The following GRIN2A variants were observed in gnomAD, a reference collection of about 807,000 sequenced individuals.
GRIN2A encodes the protein glutamate ionotropic receptor NMDA type subunit 2A.
GRIN2A carries 22 observed loss-of-function variants against 113.4 expected under a neutral mutation model. The ratio of observed to expected loss-of-function variants is 0.19; its 90% CI spans 0.14 to 0.28. GRIN2A has a LOEUF of 0.28. Among genes scored for constraint, GRIN2A ranks in the 10% least tolerant of loss-of-function variants. The pLI, the probability that GRIN2A is intolerant of heterozygous loss-of-function variation, is 1.00. For synonymous variants in GRIN2A, 827 were observed against 738.4 expected, an observed-to-expected ratio of 1.12 and a Z score of -1.94; for missense variants, 1,502 against 1,887.0, an observed-to-expected ratio of 0.80 and a Z score of 3.78.
intron 2 of GRIN2A, among the ~76,000 whole-genome samples, chr16:10,066,162 C>CA (rs2047645009): frequency 1.3e-5 from 2 of 152,158 alleles, no homozygotes; most frequent in African/African-American, 4.8e-5. Context: ...TTCATATCCC[C>CA]CGGTGTTGGA....
intron 2 of GRIN2A, among the ~76,000 whole-genome samples, chr16:9,953,434 T>C (rs982232095): frequency 6.6e-6 from 1 of 152,044 alleles, no homozygotes; most frequent in African/African-American, 2.4e-5. Flanking sequence ...TGAGTATAGG[T>C]AGGGGGACAG....
intron 2 of GRIN2A, among the ~76,000 whole-genome samples, chr16:10,091,737 G>C (rs759753710): frequency 6.6e-6 from 1 of 152,138 alleles, no homozygotes; most frequent in Non-Finnish European, 1.5e-5. Flanking sequence ...TAACCTCAAA[G>C]ACATTATGCT....
At chr16:9,874,878 G>C (rs1222800194) in intron 4 of GRIN2A, among the ~76,000 whole-genome samples, 2 of 151,854 alleles carry the variant, frequency 1.3e-5, no homozygotes, top group Non-Finnish European at 2.9e-5. Flanking sequence ...CTGGGCTCAG[G>C]AATTTGAGAC....
intron 11 of GRIN2A, among the ~76,000 whole-genome samples, chr16:9,790,618 T>G (rs1323184691): frequency 6.6e-6 from 1 of 152,214 alleles, no homozygotes; most frequent in African/African-American, 2.4e-5. Flanking sequence ...TGCCTCTATC[T>G]TGTGGTGAAT....
intron 11 of GRIN2A, among the ~76,000 whole-genome samples, chr16:9,774,534 T>C (rs1901481535): frequency 6.6e-6 from 1 of 152,232 alleles, no homozygotes; most frequent in Non-Finnish European, 1.5e-5. Context: ...TTTATTTTTC[T>C]ATTTAACAAA....
chr16:10,112,720 A>G (rs926108752), intron 2 of GRIN2A: 3 of 738,686 alleles, frequency 4.1e-6, no homozygotes, highest in Non-Finnish European at 7.5e-6. Context: ...GCCTCCATCC[A>G]GGACAAAGGG....
At chr16:9,872,384 G>A (rs753888788) in intron 4 of GRIN2A, among the ~76,000 whole-genome samples, 69 of 152,270 alleles carry the variant, frequency 4.5e-4, no homozygotes, top group Non-Finnish European at 8.5e-4. Flanking sequence ...CTTTGTCTAC[G>A]TAGACTAGTC....
chr16:9,911,791 C>A (rs977319474), intron 3 of GRIN2A, among the ~76,000 whole-genome samples: 17 of 152,058 alleles, frequency 1.1e-4, no homozygotes, highest in African/African-American at 3.6e-4. Flanking sequence ...CAGAAAAAAA[C>A]CTGAGTATAA....
intron 2 of GRIN2A, among the ~76,000 whole-genome samples, chr16:10,109,197 C>T (rs1187797456): frequency 6.6e-6 from 1 of 151,862 alleles, no homozygotes; most frequent in East Asian, 1.9e-4. Context: ...TGGAAAGATA[C>T]AAATTACCAA....
At chr16:9,831,897 G>A (rs1033106412) in intron 8 of GRIN2A, among the ~76,000 whole-genome samples, 16 of 151,674 alleles carry the variant, frequency 1.1e-4, no homozygotes, top group African/African-American at 3.9e-4. Context: ...TTATACTATT[G>A]TCTACCTCAT....
chr16:10,073,311 G>T (rs2047797226), intron 2 of GRIN2A, among the ~76,000 whole-genome samples: 1 of 152,172 alleles, frequency 6.6e-6, no homozygotes, highest in African/African-American at 2.4e-5. Flanking sequence ...GAAAGTGCTT[G>T]CAGGCAAGGC....
At chr16:10,071,754 G>A (rs982433976) in intron 2 of GRIN2A, among the ~76,000 whole-genome samples, 5 of 152,206 alleles carry the variant, frequency 3.3e-5, no homozygotes, top group African/African-American at 1.2e-4. Flanking sequence ...CCAAGCACCA[G>A]CCCTGCCTGC....
chr16:10,144,155 T>A (rs1170214538), intron 2 of GRIN2A, among the ~76,000 whole-genome samples: 1 of 152,168 alleles, frequency 6.6e-6, no homozygotes, highest in South Asian at 2.1e-4. Flanking sequence ...GCTATTACTT[T>A]TAATTGCAAA....
chr16:10,162,863 C>T (rs1253364846), intron 2 of GRIN2A, among the ~76,000 whole-genome samples: 1 of 152,148 alleles, frequency 6.6e-6, no homozygotes, highest in Non-Finnish European at 1.5e-5. Context: ...TTGAAAACCT[C>T]CATGAACCAG....
At chr16:9,780,281 G>T (rs1183829973) in intron 11 of GRIN2A, among the ~76,000 whole-genome samples, 2 of 152,144 alleles carry the variant, frequency 1.3e-5, no homozygotes, top group Non-Finnish European at 2.9e-5. Flanking sequence ...ACCAATAAGT[G>T]CCTTTGTGCA....
At chr16:9,806,098 C>T (rs915518069) in intron 10 of GRIN2A, among the ~76,000 whole-genome samples, 3 of 152,188 alleles carry the variant, frequency 2.0e-5, no homozygotes, top group African/African-American at 4.8e-5. Flanking sequence ...ATTCCTCGAT[C>T]GATGTCTTGC....
Position 9,811,734 on chromosome 16 carries a change from T to C in GRIN2A, c.2168+10530A>G, listed in dbSNP as rs115793454. On this transcript the variant is annotated intron_variant, in intron 10 of 12. Coordinates refer to ENST00000330684, the MANE Select transcript of GRIN2A (RefSeq NM_001134407.3). Reference sequence around the variant, plus strand: ...AGATCTCGTGACTGCACTCTAGCCCTGGTGACAGAGTGAGGCTCTGTCTCA... The same window carrying C: ...AGATCTCGTGACTGCACTCTAGCCCCGGTGACAGAGTGAGGCTCTGTCTCA... 7.2e-3 allele frequency among the ~76,000 whole-genome samples: 1,102 copies of C among 152,256 alleles called. 17 individuals carry two copies. The highest frequency in any genetic ancestry group is 0.025 in the African/African-American group (1,037 of 41,540).
chr16:10,139,265 G>A (rs2049271578), intron 2 of GRIN2A, among the ~76,000 whole-genome samples: 1 of 152,294 alleles, frequency 6.6e-6, no homozygotes, highest in African/African-American at 2.4e-5. Flanking sequence ...GTGTCTCAGT[G>A]ATGGGAGGTC....
At chr16:10,112,580 C>T in intron 2 of GRIN2A, 2 of 771,740 alleles carry the variant, frequency 2.6e-6, no homozygotes, top group Admixed American at 3.4e-5. Context: ...GCGAGTACTT[C>T]TTCTCAGACA....
Sources: allele counts gnomAD v4.1 joint callset (sites outside exome capture counted in the v4.1 genomes callset), GRCh38; gene constraint gnomAD v4.1.1; transcripts MANE v1.5; gene names NCBI Gene and HGNC (gene_info 2026-07-23, HGNC 2026-07-21).